NHSL2: variants seen among roughly 807,000 people sequenced by gnomAD.
NHSL2 encodes NHS-like protein 2.
In NHSL2, 27 loss-of-function variants were observed where a neutral mutation model predicts 53.4. That is an observed-to-expected ratio of 0.51 (90% confidence interval 0.37 to 0.70). The LOEUF is 0.70. NHSL2 is among the 30% of genes least tolerant of loss of function. NHSL2 has a pLI of 0.00. For missense variants in NHSL2, 892 were observed against 980.1 expected, an observed-to-expected ratio of 0.91 and a Z score of 1.20; for synonymous variants, 408 against 404.1, an observed-to-expected ratio of 1.01 and a Z score of -0.12.
At chrX:71,984,282 G>A (rs1436853979) in intron 1 of NHSL2, among the ~76,000 whole-genome samples, 1 of 111,994 alleles carries the variant, frequency 8.9e-6, no homozygotes, top group African/African-American at 3.2e-5. Context: ...AGATTAATAA[G>A]TATTCAATGT....
At chrX:71,917,354 G>A (rs989139380) in intron 1 of NHSL2, among the ~76,000 whole-genome samples, 1 of 105,071 alleles carries the variant, frequency 9.5e-6, no homozygotes, top group African/African-American at 3.5e-5. Flanking sequence ...TAAGATATAA[G>A]CTCCTTGAGG....
chrX:72,024,049 A>G (rs1042294519), intron 1 of NHSL2, among the ~76,000 whole-genome samples: 5 of 111,736 alleles, frequency 4.5e-5, no homozygotes, highest in Middle Eastern at 4.6e-3. Flanking sequence ...AACACTGCCA[A>G]CAAGCTTCCA....
chrX:71,963,875 A>G (rs1282691239), intron 1 of NHSL2, among the ~76,000 whole-genome samples: 1 of 100,552 alleles, frequency 9.9e-6, no homozygotes, highest in African/African-American at 3.6e-5. Context: ...GTGAGCCATG[A>G]TCATGCCACT....
At chrX:72,003,057 G>A (rs1426361559) in intron 1 of NHSL2, among the ~76,000 whole-genome samples, 1 of 109,872 alleles carries the variant, frequency 9.1e-6, no homozygotes, top group Non-Finnish European at 1.9e-5. Context: ...GTACTGACGT[G>A]TGGTGCGGGA....
rs5991896 is a variant in NHSL2 at position 72,014,063 on chromosome X, G to C, written c.280+102696G>C. Among the ~76,000 whole-genome samples, 287 of 111,722 alleles carry C rather than the reference G, an allele frequency of 2.6e-3. 1 individual carries two copies. The highest frequency in any genetic ancestry group is 9.0e-3 in the African/African-American group (276 of 30,826). Reference sequence around the variant, plus strand: ...GATTTGGGAAGTTTATATTTTTCAAGAAATTGGTCTGTTTCATCAAAGTTG... The same window carrying C: ...GATTTGGGAAGTTTATATTTTTCAACAAATTGGTCTGTTTCATCAAAGTTG... On this transcript the variant is annotated intron_variant, in intron 1 of 7. Transcript: ENST00000633930.
chrX:71,942,250 G>A (rs984565487), intron 1 of NHSL2, among the ~76,000 whole-genome samples: 14 of 112,297 alleles, frequency 1.2e-4, no homozygotes, highest in Admixed American at 2.8e-4. Flanking sequence ...CCTGATGTGT[G>A]ACCAACCCCT....
chrX:72,030,956 G>A (rs1482826908), intron 1 of NHSL2, among the ~76,000 whole-genome samples: 1 of 111,401 alleles, frequency 9.0e-6, no homozygotes, highest in Non-Finnish European at 1.9e-5. Flanking sequence ...GGAGAGAATC[G>A]TTCATAGGAT....
chrX:72,131,342 C>T, intron 1 of NHSL2: 1 of 1,205,094 alleles, frequency 8.3e-7, no homozygotes, highest in African/African-American at 1.7e-5. Context: ...TCCAAGTTCT[C>T]CTCCGCAAGG....
intron 1 of NHSL2, among the ~76,000 whole-genome samples, chrX:72,114,464 G>C (rs2042119813): frequency 9.0e-6 from 1 of 111,608 alleles, no homozygotes; most frequent in Non-Finnish European, 1.9e-5. Flanking sequence ...CCAGGAAGCC[G>C]ACCCTGAGGC....
chrX:72,131,015 C>G lies in NHSL2; in HGVS notation c.281-1064C>G, dbSNP rs776392904. The stretch of plus-strand genomic sequence containing the variant: ...CCCCCGGGGAAATGAACCTCATGGT[C>G]GGCTATGAAGGTCTCTAGCTGCATC... On this transcript the variant is annotated intron_variant, in intron 1 of 7. Transcript: ENST00000633930. 33 of 1,208,802 alleles carry G rather than the reference C, an allele frequency of 2.7e-5. 1 individual carries two copies. The highest frequency in any genetic ancestry group is 2.3e-4 in the Middle Eastern group (1 of 4,374).
chrX:71,946,458 C>T (rs1007857840), intron 1 of NHSL2, among the ~76,000 whole-genome samples: 4 of 111,555 alleles, frequency 3.6e-5, no homozygotes, highest in African/African-American at 6.5e-5. Flanking sequence ...ATGGGATTAC[C>T]GTGGCAGGCT....
intron 1 of NHSL2, among the ~76,000 whole-genome samples, chrX:72,002,045 A>G (rs1361867339): frequency 8.9e-6 from 1 of 112,819 alleles, no homozygotes; most frequent in Non-Finnish European, 1.9e-5. Context: ...AGCAATTAGT[A>G]ATCTTTCCAT....
intron 1 of NHSL2, among the ~76,000 whole-genome samples, chrX:72,036,480 A>G (rs943368089): frequency 3.6e-5 from 4 of 112,100 alleles, no homozygotes; most frequent in African/African-American, 1.3e-4. Context: ...GGTTTATCTT[A>G]CTTGGTTTTA....
intron 1 of NHSL2, among the ~76,000 whole-genome samples, chrX:72,074,668 G>T (rs1484553194): frequency 8.9e-6 from 1 of 112,789 alleles, no homozygotes; most frequent in Non-Finnish European, 1.9e-5. Context: ...GCAAAATAAA[G>T]ATGTTGCATC....
At chrX:71,942,329 G>A (rs2041770055) in intron 1 of NHSL2, among the ~76,000 whole-genome samples, 1 of 111,817 alleles carries the variant, frequency 8.9e-6, no homozygotes, top group African/African-American at 3.3e-5. Context: ...GATACAGATG[G>A]GTAAAGATTC....
At chrX:72,087,337 A>T (rs1197731082) in intron 1 of NHSL2, among the ~76,000 whole-genome samples, 4 of 112,283 alleles carry the variant, frequency 3.6e-5, no homozygotes, top group Non-Finnish European at 5.6e-5. Context: ...GTTGACTAGA[A>T]GTTACCAGGG....
chrX:72,082,581 ATAGT>A (rs2041801860), intron 1 of NHSL2, among the ~76,000 whole-genome samples: 1 of 112,187 alleles, frequency 8.9e-6, no homozygotes, highest in Admixed American at 9.4e-5. Flanking sequence ...TAAGTCATAC[ATAGT>A]TAGGAAGCGA....
At chrX:72,128,893 C>T (rs1013556838) in intron 1 of NHSL2, 1 of 113,635 alleles carries the variant, frequency 8.8e-6, no homozygotes, top group Non-Finnish European at 1.9e-5. Context: ...GAAAGAGTCA[C>T]TCTTTACAAT....
At chrX:72,132,030 G>T (rs746750896) in intron 1 of NHSL2, 49 bp from the exon 2 acceptor site, 2 of 1,151,924 alleles carry the variant, frequency 1.7e-6, no homozygotes, top group Non-Finnish European at 1.2e-6. Context: ...GCCGCGCGCC[G>T]CTCCCCTCCA....
Sources: allele counts gnomAD v4.1 joint callset (sites outside exome capture counted in the v4.1 genomes callset), GRCh38; gene constraint gnomAD v4.1.1; transcripts MANE v1.5; gene names NCBI Gene and HGNC (gene_info 2026-07-23, HGNC 2026-07-21).